KCTD16: variants seen among roughly 807,000 people sequenced by gnomAD.
The protein encoded by KCTD16 is BTB/POZ domain-containing protein KCTD16.
A neutral mutation model predicts 33.2 loss-of-function variants in KCTD16; 13 were observed. The observed-to-expected ratio is 0.39, with a 90% CI of 0.25 to 0.62. The LOEUF (loss-of-function observed/expected upper bound fraction) is 0.62. KCTD16 is among the 20% of genes least tolerant of loss of function. The pLI is 0.50. For missense variants in KCTD16, 441 were observed against 525.1 expected (o/e 0.84, Z 1.57); for synonymous variants, 197 against 195.3 (o/e 1.01, Z -0.07).
chr5:144,392,102 T>C (rs1203446152), intron 3 of KCTD16, among the ~76,000 whole-genome samples: 1 of 152,226 alleles, frequency 6.6e-6, no homozygotes, highest in East Asian at 1.9e-4. Flanking sequence ...TATGTTATAA[T>C]AGTTGCCATG....
chr5:144,418,309 T>G (rs964571930), intron 3 of KCTD16, among the ~76,000 whole-genome samples: 12 of 152,102 alleles, frequency 7.9e-5, no homozygotes, highest in Admixed American at 5.9e-4. Flanking sequence ...TGGCCTGCTT[T>G]TATTACCTTA....
chr5:144,382,515 A>C (rs1455053141), intron 3 of KCTD16, among the ~76,000 whole-genome samples: 2 of 152,256 alleles, frequency 1.3e-5, no homozygotes, highest in South Asian at 2.1e-4. Context: ...TATTGAGCTC[A>C]CTATAGTTAG....
intron 3 of KCTD16, among the ~76,000 whole-genome samples, chr5:144,372,153 T>C (rs1008175963): frequency 4.6e-5 from 7 of 152,016 alleles, no homozygotes; most frequent in African/African-American, 1.7e-4. Flanking sequence ...TCAGTTTATA[T>C]GCAATTTCTA....
intron 3 of KCTD16, among the ~76,000 whole-genome samples, chr5:144,431,107 A>G (rs995495930): frequency 6.6e-6 from 1 of 152,150 alleles, no homozygotes; most frequent in African/African-American, 2.4e-5. Context: ...CTTTCTCAGG[A>G]TGCTAAAATA....
chr5:144,460,880 T>C (rs1048787698), intron 3 of KCTD16, among the ~76,000 whole-genome samples: 7 of 152,158 alleles, frequency 4.6e-5, no homozygotes, highest in Non-Finnish European at 1.5e-5. Context: ...TTAATAAAAA[T>C]GGTCTATAAT....
At chr5:144,363,777 T>C (rs983814137) in intron 3 of KCTD16, among the ~76,000 whole-genome samples, 2 of 152,162 alleles carry the variant, frequency 1.3e-5, no homozygotes, top group African/African-American at 4.8e-5. Context: ...CTCCCAGAGA[T>C]CAACAGTTAC....
At chr5:144,178,743 C>T (rs1314512276) in intron 2 of KCTD16, among the ~76,000 whole-genome samples, 2 of 152,104 alleles carry the variant, frequency 1.3e-5, no homozygotes, top group Non-Finnish European at 2.9e-5. Flanking sequence ...TTATAAATGT[C>T]ATTTCTTTTC....
Position 144,482,096 on chromosome 5 carries a change from TG to T in KCTD16, c.*7984del, listed in dbSNP as rs748026153. On this transcript the variant is annotated 3_prime_UTR_variant, in exon 4 of 4. Coordinates refer to ENST00000512467, the MANE Select transcript of KCTD16 (RefSeq NM_020768.4). ...GAGTTTATTAGACTCTAAAGGCTGC[TG>T]GCTTAACCATCTCTTTGTACAATCT... 6.6e-6 allele frequency: 1 copy of T among 151,972 alleles called. No individual in the cohort carries two copies. Among genetic ancestry groups the T allele is most frequent in the Non-Finnish European group, 1.5e-5 (1 of 67,942 alleles). 9.4% of individuals were successfully genotyped at this position (151,972 alleles called of 1,614,324 possible). A position where few individuals can be genotyped will look rare whatever the true frequency, so the allele number is the denominator to read the frequency against.
At chr5:144,294,603 T>A (rs1185182464) in intron 3 of KCTD16, among the ~76,000 whole-genome samples, 2 of 152,336 alleles carry the variant, frequency 1.3e-5, no homozygotes, top group South Asian at 4.1e-4. Flanking sequence ...TAAATATGCT[T>A]GTTCCTCATT....
intron 3 of KCTD16, among the ~76,000 whole-genome samples, chr5:144,380,160 A>G (rs1254873059): frequency 1.3e-5 from 2 of 152,196 alleles, no homozygotes; most frequent in Non-Finnish European, 2.9e-5. Flanking sequence ...TACAAAATAA[A>G]TATACAAAAA....
At position 144,474,281 on chromosome 5, in the gene KCTD16, G is replaced by A. The variant is rs1224486375; in HGVS notation, c.*167G>A. ...TACTTTACCTAGTTCACCTTAACAT[G>A]TAAATCCACAGGGTAGATTTCTTTC... On this transcript the variant is annotated 3_prime_UTR_variant, in exon 4 of 4. Coordinates refer to ENST00000512467, the MANE Select transcript of KCTD16 (RefSeq NM_020768.4). The A allele has an allele frequency of 1.7e-6, 1 of 591,004 alleles. No individual in the cohort carries two copies. The highest frequency in any genetic ancestry group is 2.9e-6 in the Non-Finnish European group (1 of 339,506). 36.6% of individuals were successfully genotyped at this position (591,004 alleles called of 1,614,324 possible).
chr5:144,282,587 G>A (rs575480589), intron 3 of KCTD16, among the ~76,000 whole-genome samples: 2 of 152,286 alleles, frequency 1.3e-5, no homozygotes, highest in South Asian at 2.1e-4. Context: ...GAGCAGCCTC[G>A]TAGGACTGAG....
At chr5:144,329,561 A>G (rs1247793761) in intron 3 of KCTD16, among the ~76,000 whole-genome samples, 1 of 152,212 alleles carries the variant, frequency 6.6e-6, no homozygotes, top group Non-Finnish European at 1.5e-5. Context: ...CTTGGATTTT[A>G]CTACAGGAAA....
intron 3 of KCTD16, among the ~76,000 whole-genome samples, chr5:144,230,818 G>T (rs1754079964): frequency 6.6e-6 from 1 of 152,210 alleles, no homozygotes; most frequent in African/African-American, 2.4e-5. Flanking sequence ...TCCCAGAGAT[G>T]GCAATTCTTA....
At position 144,431,139 on chromosome 5, in the gene KCTD16, A is replaced by G. The variant is rs1051085221; in HGVS notation, c.833-42521A>G. On this transcript the variant is annotated intron_variant, in intron 3 of 3. Coordinates refer to ENST00000512467, the MANE Select transcript of KCTD16 (RefSeq NM_020768.4). ...AATACCACTAATTATGAATTGAGAA[A>G]TTAGAAAAAAACTCATTGCATATTT... is the stretch of plus-strand genomic sequence containing the variant. Among the ~76,000 whole-genome samples the G allele has an allele frequency of 4.6e-5, 7 of 152,134 alleles. 1 individual carries two copies. In the East Asian group the frequency reaches 7.7e-4, roughly 17 times the overall value.
chr5:144,304,142 A>G (rs1281586861), intron 3 of KCTD16, among the ~76,000 whole-genome samples: 1 of 152,374 alleles, frequency 6.6e-6, no homozygotes, highest in African/African-American at 2.4e-5. Context: ...GAAAAAAGAA[A>G]CAAGTAAATC....
chr5:144,197,030 A>G (rs1033964791), intron 2 of KCTD16, among the ~76,000 whole-genome samples: 2 of 152,198 alleles, frequency 1.3e-5, no homozygotes. Flanking sequence ...ATGTGTGTCT[A>G]TGTAGGTCAA....
intron 3 of KCTD16, among the ~76,000 whole-genome samples, chr5:144,213,201 A>G (rs1305041910): frequency 6.8e-6 from 1 of 147,166 alleles, no homozygotes; most frequent in Non-Finnish European, 1.5e-5. Context: ...AAATCTACAT[A>G]TTATATTATA....
chr5:144,420,909 A>G (rs1389909078), intron 3 of KCTD16, among the ~76,000 whole-genome samples: 1 of 152,148 alleles, frequency 6.6e-6, no homozygotes, highest in Non-Finnish European at 1.5e-5. Flanking sequence ...TGTGAATTTC[A>G]CGCTTGATGA....
Sources: gnomAD v4.1 joint callset for allele counts (sites outside exome capture counted in the v4.1 genomes callset) on GRCh38, gnomAD v4.1.1 for gene constraint, MANE v1.5 for transcripts, NCBI Gene and HGNC (gene_info 2026-07-23, HGNC 2026-07-21) for gene names.